The following CNIH3 variants were observed in gnomAD, a reference collection of about 807,000 sequenced individuals.
The protein encoded by CNIH3 is protein cornichon homolog 3.
Under a neutral mutation model 24.1 loss-of-function variants are expected in CNIH3, and 14 were observed. That is an observed-to-expected ratio of 0.58 (90% CI 0.38 to 0.91). The LOEUF is 0.91. CNIH3 is among the 40% of genes least tolerant of loss of function. CNIH3 has a pLI of 0.00. For synonymous variants in CNIH3, 68 were observed against 73.8 expected (o/e 0.92, Z 0.40); for missense variants, 178 against 196.8 (o/e 0.90, Z 0.57).
chr1:224,566,861 T>C (rs1680603315), intron 4 of CNIH3, among the ~76,000 whole-genome samples: 1 of 152,224 alleles, frequency 6.6e-6, no homozygotes, highest in African/African-American at 2.4e-5. Context: ...TAGAATGATA[T>C]ATAATTCTTT....
intron 3 of CNIH3, among the ~76,000 whole-genome samples, chr1:224,726,809 G>T (rs1363571619): frequency 6.6e-6 from 1 of 152,042 alleles, no homozygotes; most frequent in Non-Finnish European, 1.5e-5. Flanking sequence ...AATTCAATAG[G>T]CTGTGGCTTG....
chr1:224,640,037 G>C (rs1338544618), intron 1 of CNIH3, among the ~76,000 whole-genome samples: 1 of 152,228 alleles, frequency 6.6e-6, no homozygotes, highest in Non-Finnish European at 1.5e-5. Flanking sequence ...GATAAGGCCA[G>C]GTCTTGAGCG....
intron 1 of CNIH3, among the ~76,000 whole-genome samples, chr1:224,464,664 T>G (rs1424896394): frequency 1.3e-5 from 2 of 152,238 alleles, no homozygotes; most frequent in Non-Finnish European, 2.9e-5. Context: ...ATTTCCATAT[T>G]CTGTTCCATT....
chr1:224,554,633 G>T (rs1411919481), intron 3 of CNIH3, among the ~76,000 whole-genome samples: 1 of 151,846 alleles, frequency 6.6e-6, no homozygotes. Context: ...ACCCAGACTG[G>T]AGTGCAGTGG....
At chr1:224,539,736 C>T (rs371007200), downstream of CNIH3, among the ~76,000 whole-genome samples, 35 of 152,170 alleles carry the variant, frequency 2.3e-4, no homozygotes, top group East Asian at 1.2e-3. Flanking sequence ...GAGGTAGACC[C>T]ACCTCTCTAC....
chr1:224,639,503 A>C (rs1428122323), intron 1 of CNIH3, among the ~76,000 whole-genome samples: 1 of 152,234 alleles, frequency 6.6e-6, no homozygotes, highest in Non-Finnish European at 1.5e-5. Context: ...ATAAGCAAGA[A>C]GGTGATAATA....
At chr1:224,609,149 T>G (rs1280648844) in intron 3 of CNIH3, among the ~76,000 whole-genome samples, 2 of 152,188 alleles carry the variant, frequency 1.3e-5, no homozygotes, top group East Asian at 3.8e-4. Flanking sequence ...CATCTCTGCC[T>G]GCCTAGCTAC....
At chr1:224,523,890 G>C (rs918623573) in intron 2 of CNIH3, among the ~76,000 whole-genome samples, 1 of 152,122 alleles carries the variant, frequency 6.6e-6, no homozygotes, top group Admixed American at 6.6e-5. Context: ...TTAAAGTGGA[G>C]GCCATTAAGC....
At chr1:224,671,766 T>G (rs1685879093) in intron 1 of CNIH3, among the ~76,000 whole-genome samples, 2 of 152,240 alleles carry the variant, frequency 1.3e-5, no homozygotes, top group Non-Finnish European at 2.9e-5. Flanking sequence ...TGAGAGACCC[T>G]GAGTCTTTTT....
At chr1:224,436,068 A>G (rs1340349344) in intron 1 of CNIH3, among the ~76,000 whole-genome samples, 1 of 152,250 alleles carries the variant, frequency 6.6e-6, no homozygotes, top group Admixed American at 6.5e-5. Context: ...CCTGAGGTTT[A>G]TGGATCCTCA....
intron 3 of CNIH3, among the ~76,000 whole-genome samples, chr1:224,692,063 G>A (rs895813637): frequency 6.6e-6 from 1 of 152,220 alleles, no homozygotes; most frequent in Non-Finnish European, 1.5e-5. Flanking sequence ...CACTTTGGGA[G>A]GCAGGAGGAT....
At chr1:224,590,443 A>T (rs1282517921), downstream of CNIH3, among the ~76,000 whole-genome samples, 1 of 152,306 alleles carries the variant, frequency 6.6e-6, no homozygotes, top group South Asian at 2.1e-4. Flanking sequence ...TTGTGCTGCT[A>T]TATCAGAATA....
intron 1 of CNIH3, among the ~76,000 whole-genome samples, chr1:224,518,464 C>G (rs1267144223): frequency 6.6e-6 from 1 of 151,920 alleles, no homozygotes; most frequent in Non-Finnish European, 1.5e-5. Context: ...CCTGGGACTA[C>G]AGGCATGCAC....
Position 224,730,347 on chromosome 1 carries a change from G to T in CNIH3, c.199-115G>T. On this transcript the variant is annotated intron_variant, in intron 3 of 5. Coordinates refer to ENST00000272133, the MANE Select transcript of CNIH3 (RefSeq NM_152495.2). ...GTGGCTCTACGTTGCTGCAGGGAGG[G>T]CCTTTGTGTCAACCGTCTGTGAGAG... The T allele has an allele frequency of 4.5e-6, 3 of 662,544 alleles. No homozygotes were observed. In the South Asian group the frequency reaches 5.4e-5, roughly 12 times the overall value. The allele number at this position is 662,544 out of a possible 1,614,324, so 41.0% of individuals were successfully genotyped here.
chr1:224,688,309 C>T (rs1475266860), intron 3 of CNIH3, among the ~76,000 whole-genome samples: 1 of 152,160 alleles, frequency 6.6e-6, no homozygotes, highest in Non-Finnish European at 1.5e-5. Context: ...GACTGTAGCT[C>T]ACATGTTATT....
At chr1:224,615,814 G>A (rs149592023), upstream of CNIH3, 2 of 152,224 alleles carry the variant, frequency 1.3e-5, no homozygotes, top group Non-Finnish European at 2.9e-5. Flanking sequence ...AGTAAACGCA[G>A]CCCTAAGCAC....
chr1:224,440,613 G>A (rs550380563), intron 1 of CNIH3, among the ~76,000 whole-genome samples: 5 of 152,274 alleles, frequency 3.3e-5, no homozygotes, highest in Non-Finnish European at 5.9e-5. Context: ...AATAATGCAT[G>A]TTACAAAACA....
intron 3 of CNIH3, among the ~76,000 whole-genome samples, chr1:224,709,488 A>T (rs1417591999): frequency 6.6e-6 from 1 of 152,216 alleles, no homozygotes; most frequent in Non-Finnish European, 1.5e-5. Flanking sequence ...AGGGCATGGC[A>T]GGACTCCAGC....
At chr1:224,532,191 A>G (rs780469743) in intron 2 of CNIH3, among the ~76,000 whole-genome samples, 3 of 152,156 alleles carry the variant, frequency 2.0e-5, no homozygotes, top group Non-Finnish European at 4.4e-5. Flanking sequence ...TTTTTCCACG[A>G]AGGTAAAGGA....
Sources: gnomAD v4.1 joint callset for allele counts (sites outside exome capture counted in the v4.1 genomes callset) on GRCh38, gnomAD v4.1.1 for gene constraint, MANE v1.5 for transcripts, NCBI Gene and HGNC (gene_info 2026-07-23, HGNC 2026-07-21) for gene names.